The following NTM variants were observed in gnomAD, a reference collection of about 807,000 sequenced individuals.
NTM encodes IgLON family member 2.
NTM carries 13 observed loss-of-function variants against 42.1 expected under a neutral mutation model. That is an observed-to-expected ratio of 0.31 (90% confidence interval 0.20 to 0.49). The LOEUF (loss-of-function observed/expected upper bound fraction) is 0.49, where lower values mean the gene tolerates loss of function less well. Among genes scored for constraint, NTM ranks in the 20% least tolerant of loss-of-function variants. The probability of loss-of-function intolerance (pLI) is 0.99; values close to 1 mark genes in which losing one functional copy is unlikely to be tolerated. For missense variants in NTM, 373 were observed against 452.8 expected (o/e 0.82, Z 1.60); for synonymous variants, 187 against 179.2 (o/e 1.04, Z -0.35).
At position 132,149,529 on chromosome 11, in the gene NTM, G is replaced by A. The variant is rs142573418; in HGVS notation, c.400+3015G>A. ...TCTAAATAAATCCACACAGAAGGAA[G>A]GTAGTGGCATCTCACAGCATTGCAC... On this transcript the variant is annotated intron_variant, in intron 3 of 8. Coordinates refer to ENST00000683400, the MANE Select transcript of NTM (RefSeq NM_001352005.2). Among the ~76,000 whole-genome samples the A allele has an allele frequency of 9.2e-5, 14 of 152,314 alleles. No homozygotes were observed. The South Asian group carries it at 2.9e-3, about 32-fold the overall frequency.
chr11:131,745,995 G>T (rs2081773750), intron 1 of NTM, among the ~76,000 whole-genome samples: 2 of 152,094 alleles, frequency 1.3e-5, no homozygotes, highest in Admixed American at 1.3e-4. Flanking sequence ...CACGTGCGCT[G>T]GTGGGAGGCT....
chr11:131,793,538 C>A (rs947497889), intron 1 of NTM, among the ~76,000 whole-genome samples: 3 of 152,192 alleles, frequency 2.0e-5, no homozygotes, highest in Admixed American at 1.3e-4. Context: ...AGATGTTAAA[C>A]AATTTCTCAA....
intron 1 of NTM, among the ~76,000 whole-genome samples, chr11:131,498,130 T>A (rs1012669686): frequency 6.7e-6 from 1 of 150,188 alleles, no homozygotes; most frequent in African/African-American, 2.5e-5. Context: ...GCTGATAAAC[T>A]TTTGCCTGAC....
At position 131,735,835 on chromosome 11, in the gene NTM, GGTGTGTGTGTGTGT is replaced by G. The variant is rs398018112; in HGVS notation, c.83-175702_83-175689del. 4.1e-4 allele frequency among the ~76,000 whole-genome samples: 50 copies of G among 121,378 alleles called. No homozygotes were observed. In the East Asian group the frequency reaches 5.1e-3, roughly 12 times the overall value. The allele number at this position is 121,378 out of a possible 152,430, so 79.6% of individuals were successfully genotyped here. On this transcript the variant is annotated intron_variant, in intron 1 of 8. Coordinates refer to ENST00000683400, the MANE Select transcript of NTM (RefSeq NM_001352005.2). Reference sequence around the variant, plus strand: ...CCGTTCCTTAGATTTCCATTCATAAGGTGTGTGTGTGTGTGTGTGTGTGTGTGTGTGTGTGTGTG... The same window carrying G: ...CCGTTCCTTAGATTTCCATTCATAAGGTGTGTGTGTGTGTGTGTGTGTGTG...
chr11:132,227,730 A>C (rs192474251), intron 4 of NTM, among the ~76,000 whole-genome samples: 45 of 152,268 alleles, frequency 3.0e-4, no homozygotes, highest in African/African-American at 9.6e-4. Context: ...TTTGGAACAA[A>C]AGTCACTATG....
At chr11:131,792,627 C>T (rs2091089811) in intron 1 of NTM, among the ~76,000 whole-genome samples, 1 of 152,200 alleles carries the variant, frequency 6.6e-6, no homozygotes, top group Non-Finnish European at 1.5e-5. Flanking sequence ...CACCCCCAAC[C>T]TCATTGCTTC....
At position 132,182,658 on chromosome 11, in the gene NTM, C is replaced by A. The variant is rs61630690; in HGVS notation, c.401-29364C>A. Among the ~76,000 whole-genome samples, 400 of 152,322 alleles carry A rather than the reference C, an allele frequency of 2.6e-3. 3 individuals are homozygous for A. Among genetic ancestry groups the A allele is most frequent in the African/African-American group, 9.0e-3 (375 of 41,578 alleles). On this transcript the variant is annotated intron_variant, in intron 3 of 8. Coordinates refer to ENST00000683400, the MANE Select transcript of NTM (RefSeq NM_001352005.2). ...AGTAATCTGGTAGCTATCTCTAATA[C>A]GTACTCTCTTGAGGATGCAGTCTGC... is the stretch of plus-strand genomic sequence containing the variant.
At chr11:131,477,781 G>C (rs1191898615) in intron 1 of NTM, among the ~76,000 whole-genome samples, 5 of 151,424 alleles carry the variant, frequency 3.3e-5, no homozygotes, top group Admixed American at 1.3e-4. Flanking sequence ...GCATGTATCA[G>C]TCTACTCCCT....
intron 7 of NTM, 35 bp from the exon 8 acceptor site, chr11:132,330,118 G>A (rs944070517): frequency 7.1e-6 from 11 of 1,551,066 alleles, no homozygotes; most frequent in Middle Eastern, 1.7e-4. Flanking sequence ...GTCTGCTTTC[G>A]ACCTTAACAG....
chr11:131,645,360 C>T (rs772258324), intron 1 of NTM, among the ~76,000 whole-genome samples: 3 of 152,164 alleles, frequency 2.0e-5, no homozygotes, highest in Non-Finnish European at 4.4e-5. Context: ...TGCAATGCTC[C>T]CAGTCCTCCT....
intron 2 of NTM, 140 bp downstream of exon 2, chr11:131,911,788 C>A: frequency 1.9e-6 from 2 of 1,048,740 alleles, no homozygotes; most frequent in Non-Finnish European, 2.8e-6. Flanking sequence ...TTTATGGCTG[C>A]GCTGGGGGCT....
chr11:131,777,416 C>T (rs2087212731), intron 1 of NTM, among the ~76,000 whole-genome samples: 1 of 150,792 alleles, frequency 6.6e-6, no homozygotes, highest in African/African-American at 2.4e-5. Flanking sequence ...TGTTTCTCTC[C>T]CAATTTTTAT....
At chr11:131,876,693 G>A (rs889079673) in intron 1 of NTM, among the ~76,000 whole-genome samples, 5 of 152,194 alleles carry the variant, frequency 3.3e-5, no homozygotes, top group Non-Finnish European at 7.3e-5. Flanking sequence ...AACCAGAGCT[G>A]AGAGAGGCCA....
intron 2 of NTM, among the ~76,000 whole-genome samples, chr11:132,049,752 G>A (rs1181519703): frequency 6.6e-6 from 1 of 152,142 alleles, no homozygotes; most frequent in Non-Finnish European, 1.5e-5. Flanking sequence ...AAAACCTGAT[G>A]GGGGAAAAGA....
At chr11:132,027,212 T>G (rs755889849) in intron 2 of NTM, among the ~76,000 whole-genome samples, 2 of 152,196 alleles carry the variant, frequency 1.3e-5, no homozygotes, top group South Asian at 2.1e-4. Context: ...ACATGATATA[T>G]GAAATTTCAA....
At chr11:132,106,228 A>T (rs1214519815) in intron 2 of NTM, among the ~76,000 whole-genome samples, 2 of 152,166 alleles carry the variant, frequency 1.3e-5, no homozygotes, top group African/African-American at 2.4e-5. Context: ...ATATTCCAGA[A>T]ATGAAAAGGG....
chr11:131,772,238 T>C (rs777671630), intron 1 of NTM, among the ~76,000 whole-genome samples: 5 of 152,172 alleles, frequency 3.3e-5, no homozygotes, highest in Admixed American at 1.3e-4. Context: ...TTCATTGTTA[T>C]AGAGTATAGG....
At chr11:131,685,412 G>T (rs983153927) in intron 1 of NTM, among the ~76,000 whole-genome samples, 1 of 152,200 alleles carries the variant, frequency 6.6e-6, no homozygotes, top group Non-Finnish European at 1.5e-5. Context: ...GAACTGAATG[G>T]CAATGTGGGG....
chr11:131,383,596 T>G (rs1017056029), intron 1 of NTM, among the ~76,000 whole-genome samples: 1 of 151,898 alleles, frequency 6.6e-6, no homozygotes, highest in African/African-American at 2.4e-5. Context: ...ATTGAGTGTG[T>G]TTGTATGGGG....
Sources: allele counts gnomAD v4.1 joint callset (sites outside exome capture counted in the v4.1 genomes callset), GRCh38; gene constraint gnomAD v4.1.1; transcripts MANE v1.5; gene names NCBI Gene and HGNC (gene_info 2026-07-23, HGNC 2026-07-21).